ZNF148: variants seen among roughly 807,000 people sequenced by gnomAD.
ZNF148 encodes Beta-Enolase Repressor Factor-1.
A neutral mutation model predicts 67.7 loss-of-function variants in ZNF148; 7 were observed. That is an observed-to-expected ratio of 0.10 (90% CI 0.06 to 0.19). The LOEUF (loss-of-function observed/expected upper bound fraction) is 0.19. Ranked by LOEUF, ZNF148 falls within the 10% of genes least tolerant of loss-of-function variation. The pLI is 1.00. For synonymous variants in ZNF148, 333 were observed against 330.7 expected (o/e 1.01, Z -0.08); for missense variants, 583 against 947.1 (o/e 0.62, Z 5.05).
At chr3:125,337,900 G>T (rs945345170) in intron 1 of ZNF148, among the ~76,000 whole-genome samples, 2 of 151,786 alleles carry the variant, frequency 1.3e-5, no homozygotes, top group Non-Finnish European at 2.9e-5. Context: ...CCAGGAGTTT[G>T]AGACCAGCCT....
chr3:125,371,502 C>T (rs1229857999), intron 1 of ZNF148, among the ~76,000 whole-genome samples: 1 of 148,594 alleles, frequency 6.7e-6, no homozygotes, highest in Admixed American at 6.8e-5. Flanking sequence ...ACTAAAAACA[C>T]AAAAAAATTA....
chr3:125,298,302 T>C (rs1226314599), intron 4 of ZNF148, among the ~76,000 whole-genome samples: 1 of 146,828 alleles, frequency 6.8e-6, no homozygotes. Context: ...AATGTTACAT[T>C]TCAATAAAAA....
intron 7 of ZNF148, among the ~76,000 whole-genome samples, chr3:125,271,948 C>T (rs973026575): frequency 1.1e-4 from 16 of 152,144 alleles, no homozygotes; most frequent in African/African-American, 3.1e-4. Flanking sequence ...GTTTCTGAAT[C>T]GATTATCTGA....
At chr3:125,326,057 C>G (rs1304363911) in intron 2 of ZNF148, among the ~76,000 whole-genome samples, 1 of 152,116 alleles carries the variant, frequency 6.6e-6, no homozygotes, top group East Asian at 1.9e-4. Context: ...GACAGCAAAA[C>G]TATCCTTCAA....
At chr3:125,267,010 C>G (rs1937545599) in intron 7 of ZNF148, among the ~76,000 whole-genome samples, 1 of 151,242 alleles carries the variant, frequency 6.6e-6, no homozygotes, top group African/African-American at 2.4e-5. Context: ...AAAATTCAAA[C>G]CTTGAACAGA....
chr3:125,306,196 G>A (rs1295554029), intron 4 of ZNF148, among the ~76,000 whole-genome samples: 2 of 151,994 alleles, frequency 1.3e-5, no homozygotes, highest in Non-Finnish European at 2.9e-5. Context: ...CACATGTTTA[G>A]GTCAAAAATG....
intron 4 of ZNF148, among the ~76,000 whole-genome samples, chr3:125,298,346 T>TACACATACACACACACACACAC (rs1939395469): frequency 6.9e-6 from 1 of 145,654 alleles, no homozygotes; most frequent in South Asian, 2.2e-4. Flanking sequence ...TAAATGTGCA[T>TACACATACACACACACACACAC]ACACACACAC....
At chr3:125,255,579 G>A in intron 7 of ZNF148, among the ~76,000 whole-genome samples, 1 of 152,036 alleles carries the variant, frequency 6.6e-6, no homozygotes, top group East Asian at 1.9e-4. Flanking sequence ...TTTTCATATG[G>A]GATCTTTTTT....
At chr3:125,252,671 G>C (rs1168371843) in intron 7 of ZNF148, among the ~76,000 whole-genome samples, 2 of 151,832 alleles carry the variant, frequency 1.3e-5, no homozygotes, top group East Asian at 1.9e-4. Flanking sequence ...AGGAGGCTGA[G>C]GCAGGAGAAT....
chr3:125,294,647 A>C (rs1939192100), intron 4 of ZNF148, among the ~76,000 whole-genome samples: 1 of 152,194 alleles, frequency 6.6e-6, no homozygotes, highest in Non-Finnish European at 1.5e-5. Context: ...AGTGCTGAAG[A>C]TATTAATACA....
At chr3:125,265,849 T>C (rs1560125429) in intron 7 of ZNF148, among the ~76,000 whole-genome samples, 1 of 152,208 alleles carries the variant, frequency 6.6e-6, no homozygotes, top group Non-Finnish European at 1.5e-5. Flanking sequence ...ATTTTGTTTT[T>C]TTAATTAATG....
Position 125,226,088 on chromosome 3 carries a change from TAAAGAAA to T in ZNF148, c.*6246_*6252del, listed in dbSNP as rs1935620786. On this transcript the variant is annotated 3_prime_UTR_variant, in exon 9 of 9. Coordinates refer to ENST00000360647, the MANE Select transcript of ZNF148 (RefSeq NM_021964.3). ...CAGTGGGTTAACAGAGTCTTATCTGTAAAGAAAAGAACACATATTTTCTTCGCTCTAT... is the reference window on the plus strand; with the variant it reads ...CAGTGGGTTAACAGAGTCTTATCTGTAGAACACATATTTTCTTCGCTCTAT... 6.6e-6 allele frequency: 1 copy of T among 152,640 alleles called. No individual in the cohort carries two copies. The highest frequency in any genetic ancestry group is 1.9e-4 in the East Asian group (1 of 5,202). 9.5% of individuals were successfully genotyped at this position (152,640 alleles called of 1,614,324 possible).
intron 4 of ZNF148, among the ~76,000 whole-genome samples, chr3:125,312,782 T>A (rs763939062): frequency 2.0e-5 from 3 of 152,170 alleles, no homozygotes; most frequent in Non-Finnish European, 4.4e-5. Context: ...AGGAAAAACA[T>A]ATGGGTGCTT....
chr3:125,365,653 C>CA (rs751323318), intron 1 of ZNF148, among the ~76,000 whole-genome samples: 24 of 151,760 alleles, frequency 1.6e-4, no homozygotes, highest in Non-Finnish European at 2.8e-4. Context: ...CACATCTCTA[C>CA]AAAAAAAATT....
At chr3:125,263,553 A>AC (rs1937438081) in intron 7 of ZNF148, among the ~76,000 whole-genome samples, 1 of 151,610 alleles carries the variant, frequency 6.6e-6, no homozygotes, top group African/African-American at 2.4e-5. Flanking sequence ...TCTGTCTCAA[A>AC]AAAAAAAAAG....
chr3:125,237,216 A>G (rs1936129764), intron 7 of ZNF148, among the ~76,000 whole-genome samples: 2 of 152,188 alleles, frequency 1.3e-5, no homozygotes, highest in Non-Finnish European at 2.9e-5. Context: ...AGAGGAACCA[A>G]GATGGGAAGG....
At chr3:125,298,618 ATTTTTTT>A (rs11312460) in intron 4 of ZNF148, among the ~76,000 whole-genome samples, 2 of 102,634 alleles carry the variant, frequency 1.9e-5, no homozygotes, top group South Asian at 3.1e-4. Context: ...TTTATATTAA[ATTTTTTT>A]TTTTTTTTTT....
intron 3 of ZNF148, among the ~76,000 whole-genome samples, chr3:125,313,986 A>T (rs1162712456): frequency 6.6e-6 from 1 of 152,112 alleles, no homozygotes; most frequent in East Asian, 1.9e-4. Flanking sequence ...ATATATTGAA[A>T]TGTGTTAAAA....
intron 7 of ZNF148, among the ~76,000 whole-genome samples, chr3:125,241,799 A>G (rs1441004260): frequency 6.6e-6 from 1 of 152,234 alleles, no homozygotes; most frequent in Non-Finnish European, 1.5e-5. Flanking sequence ...CAAATAAAAC[A>G]TATGTTCATG....
Sources: allele counts gnomAD v4.1 joint callset (sites outside exome capture counted in the v4.1 genomes callset), GRCh38; gene constraint gnomAD v4.1.1; transcripts MANE v1.5; gene names NCBI Gene and HGNC (gene_info 2026-07-23, HGNC 2026-07-21).